The following COLEC11 variants were observed in gnomAD, a reference collection of about 807,000 sequenced individuals.
COLEC11 encodes collectin subfamily member 11, also known as collectin-11.
In COLEC11, 20 loss-of-function variants were observed where a neutral mutation model predicts 27.3. The observed-to-expected ratio is 0.73, with a 90% CI of 0.51 to 1.06. COLEC11 has a LOEUF of 1.06. Among genes scored for constraint, COLEC11 ranks in the 50% least tolerant of loss-of-function variants. The pLI, the probability that COLEC11 is intolerant of heterozygous loss-of-function variation, is 0.00. For synonymous variants in COLEC11, 163 were observed against 154.7 expected (o/e 1.05, Z -0.40); for missense variants, 310 against 383.0 (o/e 0.81, Z 1.59).
chr2:3,595,992 C>T (rs187769632), intron 1 of COLEC11, among the ~76,000 whole-genome samples: 10 of 152,300 alleles, frequency 6.6e-5, no homozygotes, highest in Admixed American at 4.6e-4. Flanking sequence ...ATCCATGTAC[C>T]GTAGAAGAGA....
chr2:3,636,195 C>T (rs768059561), intron 3 of COLEC11, among the ~76,000 whole-genome samples: 16 of 152,126 alleles, frequency 1.1e-4, no homozygotes, highest in African/African-American at 2.2e-4. Context: ...CAGTGGCTCA[C>T]GCCGTAATCC....
intron 3 of COLEC11, among the ~76,000 whole-genome samples, chr2:3,626,503 C>T (rs561292038): frequency 5.3e-5 from 8 of 152,322 alleles, no homozygotes; most frequent in Admixed American, 2.0e-4. Context: ...GTCTTGGATG[C>T]GGCAGTTGCC....
chr2:3,643,657 C>A, intron 6 of COLEC11, 70 bp from the exon 7 acceptor site: 2 of 1,609,850 alleles, frequency 1.2e-6, no homozygotes, highest in Non-Finnish European at 1.7e-6. Flanking sequence ...GCCCCTGCTG[C>A]CTGTGGCTGT....
chr2:3,636,676 G>C (rs368373222), intron 3 of COLEC11, among the ~76,000 whole-genome samples: 6 of 152,294 alleles, frequency 3.9e-5, no homozygotes, highest in African/African-American at 1.4e-4. Context: ...TCTGCTGGTT[G>C]GGTTGGTGGT....
At chr2:3,638,126 C>T (rs73910312) in intron 4 of COLEC11, among the ~76,000 whole-genome samples, 5,326 of 152,292 alleles carry the variant, frequency 0.035, 321 homozygotes, top group African/African-American at 0.12. Flanking sequence ...CTAATTGCAC[C>T]GTCTCCGCTG....
intron 1 of COLEC11, chr2:3,603,503 C>A: frequency 1.4e-6 from 1 of 711,120 alleles, no homozygotes; most frequent in Non-Finnish European, 2.5e-6. Flanking sequence ...TTTTAGAAGA[C>A]ATGCGGTTTC....
At chr2:3,635,527 G>C (rs1356704631) in intron 3 of COLEC11, among the ~76,000 whole-genome samples, 2 of 152,196 alleles carry the variant, frequency 1.3e-5, no homozygotes, top group Non-Finnish European at 2.9e-5. Context: ...TCTGAGGACG[G>C]ACGAGGAAGT....
In COLEC11 at chr2:3,637,562, A is replaced by C; in HGVS notation, c.232A>C (p.Ser78Arg). ...GDMGDKGQKG[S>R]VGRHGKIGPI... The stretch of plus-strand genomic sequence containing the variant: ...CATGGGGGACAAAGGACAGAAAGGC[A>C]GTGTGGGTCGTCATGGAAAAATTGG... Residue 78 changes from serine to arginine, a missense_variant, in exon 4 of 7, where the codon AGT becomes CGT. Ser to Arg is a moderately radical substitution (Grantham distance 110). Transcript: ENST00000349077. 6.2e-7 allele frequency: 1 copy of C among 1,614,186 alleles called. No homozygotes were observed. Among genetic ancestry groups the C allele is most frequent in the Non-Finnish European group, 8.5e-7 (1 of 1,180,018 alleles).
At chr2:3,635,873 G>A (rs1189129115) in intron 3 of COLEC11, among the ~76,000 whole-genome samples, 2 of 152,234 alleles carry the variant, frequency 1.3e-5, no homozygotes, top group South Asian at 2.1e-4. Context: ...GCCGGGCCAT[G>A]TCATTTTCAT....
intron 3 of COLEC11, among the ~76,000 whole-genome samples, chr2:3,626,985 C>A (rs1255314758): frequency 3.9e-5 from 6 of 152,164 alleles, no homozygotes; most frequent in African/African-American, 1.4e-4. Context: ...CTGCCAACTC[C>A]CCTGGCCCAC....
intron 4 of COLEC11, 135 bp from the exon 5 acceptor site, chr2:3,640,143 G>T: frequency 1.4e-6 from 1 of 705,176 alleles, no homozygotes; most frequent in South Asian, 1.5e-5. Flanking sequence ...GCAGAATGGG[G>T]CTCCGGTACT....
chr2:3,630,071 A>ATC (rs35785139), intron 3 of COLEC11, among the ~76,000 whole-genome samples: 122,799 of 152,074 alleles, frequency 0.81, 49,631 homozygotes, highest in East Asian at 0.89. Context: ...CATATTGCAT[A>ATC]TCTGTTAATA....
intron 3 of COLEC11, among the ~76,000 whole-genome samples, chr2:3,626,450 C>T (rs1162913923): frequency 6.6e-6 from 1 of 152,202 alleles, no homozygotes; most frequent in Admixed American, 6.5e-5. Context: ...GATCTACCTC[C>T]CATGACTCCC....
rs1260319262 is a variant in COLEC11, at chr2:3,600,277, G to A, written c.-26-4038G>A. The stretch of plus-strand genomic sequence containing the variant: ...GCAAAACTCAAAAGCAAGCAAGGCT[G>A]GGCACAGTGGCTCACACCTGTAGTC... On this transcript the variant is annotated intron_variant, in intron 1 of 6. Coordinates refer to ENST00000349077, the MANE Select transcript of COLEC11 (RefSeq NM_024027.5). Among the ~76,000 whole-genome samples the A allele has an allele frequency of 2.0e-5, 3 of 151,002 alleles. No homozygotes were observed. In the East Asian group the frequency reaches 5.8e-4, roughly 29 times the overall value.
At chr2:3,628,376 C>T (rs1033285310) in intron 3 of COLEC11, among the ~76,000 whole-genome samples, 1 of 152,210 alleles carries the variant, frequency 6.6e-6, no homozygotes, top group Admixed American at 6.5e-5. Flanking sequence ...TCCAGGGGCT[C>T]TCATTTAAAT....
At chr2:3,639,399 G>A (rs1572474722) in intron 4 of COLEC11, among the ~76,000 whole-genome samples, 1 of 152,306 alleles carries the variant, frequency 6.6e-6, no homozygotes, top group Admixed American at 6.5e-5. Flanking sequence ...TCGTGTCTGA[G>A]ATTGTCATCC....
At chr2:3,636,415 A>G (rs1050220658) in intron 3 of COLEC11, among the ~76,000 whole-genome samples, 1 of 152,080 alleles carries the variant, frequency 6.6e-6, no homozygotes, top group African/African-American at 2.4e-5. Context: ...AGATTGCGCC[A>G]CTGCACTCCA....
chr2:3,607,156 C>T (rs1030266740), intron 2 of COLEC11, among the ~76,000 whole-genome samples: 2 of 152,182 alleles, frequency 1.3e-5, no homozygotes, highest in African/African-American at 4.8e-5. Context: ...TTCCTGAGCA[C>T]ACGAGTCAGG....
intron 2 of COLEC11, among the ~76,000 whole-genome samples, chr2:3,610,140 G>A (rs113024291): frequency 6.6e-6 from 1 of 152,216 alleles, no homozygotes; most frequent in Non-Finnish European, 1.5e-5. Context: ...TGAGCAAGGT[G>A]TGGTAAAGAC....
Sources: allele counts gnomAD v4.1 joint callset (sites outside exome capture counted in the v4.1 genomes callset), GRCh38; gene constraint gnomAD v4.1.1; transcripts MANE v1.5; gene names NCBI Gene and HGNC (gene_info 2026-07-23, HGNC 2026-07-21).